The following LHX2 variants were observed in gnomAD, a reference collection of about 807,000 sequenced individuals.
LHX2 encodes LIM/homeobox protein Lhx2.
LHX2 carries 6 observed loss-of-function variants against 33.0 expected under a neutral mutation model. The observed-to-expected ratio is 0.18, with a 90% confidence interval of 0.10 to 0.36. LHX2 has a LOEUF of 0.36. Ranked by LOEUF, LHX2 falls within the 10% of genes least tolerant of loss-of-function variation. LHX2 has a pLI of 1.00. For synonymous variants in LHX2, 292 were observed against 253.1 expected (o/e 1.15, Z -1.46); for missense variants, 442 against 586.2 (o/e 0.75, Z 2.54).
At position 124,028,442 on chromosome 9, in the gene LHX2, C is replaced by T. The variant is rs137903510; in HGVS notation, c.934-3978C>T. Among the ~76,000 whole-genome samples the T allele has an allele frequency of 2.1e-4, 32 of 152,264 alleles. No individual in the cohort carries two copies. The South Asian group carries it at 2.9e-3, about 14-fold the overall frequency. On this transcript the variant is annotated intron_variant, in intron 4 of 4. Coordinates refer to ENST00000373615, the MANE Select transcript of LHX2 (RefSeq NM_004789.4). Reference sequence around the variant, plus strand: ...AGATGGGTGGGTGGGGCAGACTGCACCTTGTTGCTTGCAGCTGCCTAAGAA... The same window carrying T: ...AGATGGGTGGGTGGGGCAGACTGCATCTTGTTGCTTGCAGCTGCCTAAGAA...
At chr9:124,019,033 C>T (rs1859246710) in intron 3 of LHX2, among the ~76,000 whole-genome samples, 1 of 152,198 alleles carries the variant, frequency 6.6e-6, no homozygotes, top group Non-Finnish European at 1.5e-5. Context: ...CTGCCCCACC[C>T]CCAGTGGAGC....
intron 4 of LHX2, among the ~76,000 whole-genome samples, chr9:124,027,606 C>T (rs1828645698): frequency 6.6e-6 from 1 of 152,046 alleles, no homozygotes; most frequent in Non-Finnish European, 1.5e-5. Flanking sequence ...ATCACAAGGT[C>T]AGGAGGTGGA....
Position 124,021,169 on chromosome 9 carries a change from C to T in LHX2, c.798C>T (p.Thr266=), listed in dbSNP as rs770393525. The change falls in exon 4 of 5, where the codon ACC becomes ACT. Residue 266 remains threonine (T), a synonymous_variant. Transcript: ENST00000373615. ...AGCCATACCCGAGCAGCCAGAAGAC[C>T]AAGCGCATGCGCACGTCCTTCAAGC... ...RDQPYPSSQK[T]KRMRTSFKHH... 1 of 1,614,232 alleles carries T rather than the reference C, an allele frequency of 6.2e-7. No individual in the cohort carries two copies. Among genetic ancestry groups the T allele is most frequent in the Admixed American group, 1.7e-5 (1 of 60,032 alleles).
At position 124,015,110 on chromosome 9, in the gene LHX2, TG is replaced by T; in HGVS notation, c.324-10del. The T allele has an allele frequency of 6.2e-7, 1 of 1,610,822 alleles. No individual in the cohort carries two copies. Among genetic ancestry groups the T allele is most frequent in the South Asian group, 1.1e-5 (1 of 91,072 alleles). ...TGTGTTCCCACAGCCCCTCCCTCCA[TG>T]GTCCCTACAGGCGCTTCTCTGTGCA... On this transcript the variant is annotated splice_polypyrimidine_tract_variant and intron_variant, in intron 2 of 4. Transcript: ENST00000373615. This position sits in a 1 kb window ranked among gnomAD's most constrained non-coding sequence, Gnocchi z 7.9.
chr9:124,024,278 G>A (rs1428346056), intron 4 of LHX2, among the ~76,000 whole-genome samples: 1 of 152,210 alleles, frequency 6.6e-6, no homozygotes, highest in Non-Finnish European at 1.5e-5. Flanking sequence ...CTTACCTTAA[G>A]ATTTTTCTGC....
intron 4 of LHX2, among the ~76,000 whole-genome samples, chr9:124,025,587 G>A (rs1828607718): frequency 6.6e-6 from 1 of 152,148 alleles, no homozygotes; most frequent in Admixed American, 6.5e-5. Context: ...TAAGCTTGGG[G>A]AAGTGAGTGA....
At chr9:124,020,995 C>A in intron 3 of LHX2, 104 bp from the exon 4 acceptor site, 2 of 977,332 alleles carry the variant, frequency 2.0e-6, no homozygotes, top group Non-Finnish European at 3.1e-6. Context: ...AGACATGCAG[C>A]AGGGTTAAGG....
At position 124,015,098 on chromosome 9, in the gene LHX2, C is replaced by A; in HGVS notation, c.324-24C>A. The A allele has an allele frequency of 6.2e-7, 1 of 1,607,422 alleles. No individual in the cohort carries two copies. Among genetic ancestry groups the A allele is most frequent in the Non-Finnish European group, 8.5e-7 (1 of 1,179,014 alleles). ...GGTACCCAACCGTGTGTTCCCACAG[C>A]CCCTCCCTCCATGGTCCCTACAGGC... is the stretch of plus-strand genomic sequence containing the variant. On this transcript the variant is annotated intron_variant, in intron 2 of 4. Transcript: ENST00000373615. This position sits in a 1 kb window ranked among gnomAD's most constrained non-coding sequence, Gnocchi z 7.9.
chr9:124,032,515 A>G lies in LHX2; in HGVS notation c.1029A>G (p.Thr343=). The G allele has an allele frequency of 1.2e-6, 2 of 1,613,770 alleles. No homozygotes were observed. Among genetic ancestry groups the G allele is most frequent in the Non-Finnish European group, 1.7e-6 (2 of 1,180,006 alleles). Residue 343 remains threonine (T), a synonymous_variant, in exon 5 of 5, where the codon ACA becomes ACG. Coordinates refer to ENST00000373615, the MANE Select transcript of LHX2 (RefSeq NM_004789.4). The surrounding 1 kb of genome is among the most constrained non-coding windows in gnomAD (Gnocchi z 4.1). ...VDKSTDAALQ[T]GTPSGPASEL... Reference sequence around the variant, plus strand: ...AGTCGACAGACGCGGCGCTGCAGACAGGGACGCCATCGGGCCCGGCCTCGG... The same window carrying G: ...AGTCGACAGACGCGGCGCTGCAGACGGGGACGCCATCGGGCCCGGCCTCGG...
intron 3 of LHX2, 32 bp from the exon 4 acceptor site, chr9:124,021,067 G>A (rs748137172): frequency 6.2e-7 from 1 of 1,607,186 alleles, no homozygotes; most frequent in Admixed American, 1.7e-5. Flanking sequence ...GGGTCAGGAA[G>A]TTCACCCACC....
chr9:124,028,854 T>C (rs906433700), intron 4 of LHX2, among the ~76,000 whole-genome samples: 8 of 152,130 alleles, frequency 5.3e-5, no homozygotes, highest in African/African-American at 1.9e-4. Flanking sequence ...ATGCCTATAA[T>C]CCCAGAACTT....
At chr9:124,024,625 C>T (rs1187570902) in intron 4 of LHX2, among the ~76,000 whole-genome samples, 1 of 152,200 alleles carries the variant, frequency 6.6e-6, no homozygotes, top group African/African-American at 2.4e-5. Flanking sequence ...GTATAATTTA[C>T]AGAGTGTAGA....
intron 4 of LHX2, among the ~76,000 whole-genome samples, chr9:124,028,386 A>G (rs1828659720): frequency 6.6e-6 from 1 of 152,184 alleles, no homozygotes; most frequent in Admixed American, 6.5e-5. Flanking sequence ...AACTTGAGGC[A>G]TGTGAAAAGA....
At position 124,032,626 on chromosome 9, in the gene LHX2, C is replaced by A. The variant is rs566616939; in HGVS notation, c.1140C>A (p.Ser380=). 2.5e-6 allele frequency: 4 copies of A among 1,614,106 alleles called. No individual in the cohort carries two copies. The East Asian group carries it at 6.7e-5, about 27-fold the overall frequency. Residue 380 remains serine (S), a synonymous_variant, in exon 5 of 5, where the codon TCC becomes TCA. Coordinates refer to ENST00000373615, the MANE Select transcript of LHX2 (RefSeq NM_004789.4). This position sits in a 1 kb window ranked among gnomAD's most constrained non-coding sequence, Gnocchi z 4.1. ...GCCCCACCCTGCCAACTGTGACGTC[C>A]GTCTTAACTTCTGTGCCTGGCAACC... ...LTSPTLPTVT[S]VLTSVPGNLE...
rs752482661 is a variant in LHX2 at position 124,015,071 on chromosome 9, G to C, written c.324-51G>C. ...CAGCGGCACCTGGAGGAGGAAAAGG[G>C]GGGTACCCAACCGTGTGTTCCCACA... is the stretch of plus-strand genomic sequence containing the variant. On this transcript the variant is annotated intron_variant, in intron 2 of 4. Transcript: ENST00000373615. This position sits in a 1 kb window ranked among gnomAD's most constrained non-coding sequence, Gnocchi z 7.9. 3.1e-6 allele frequency: 5 copies of C among 1,592,404 alleles called. No individual in the cohort carries two copies. The Admixed American group carries it at 5.1e-5, about 16-fold the overall frequency.
chr9:124,015,330 C>A lies in LHX2; in HGVS notation c.532C>A (p.Pro178Thr). The change falls in exon 3 of 5, where the codon CCC (proline) becomes ACC (threonine). Residue 178 changes from proline (P) to threonine (T), a missense_variant. Around this residue, in one of 5 missense-constraint regions of LHX2, gnomAD observed 132 missense variants for 139.1 expected, o/e 0.95. Coordinates refer to ENST00000373615, the MANE Select transcript of LHX2 (RefSeq NM_004789.4). The surrounding 1 kb of genome is among the most constrained non-coding windows in gnomAD (Gnocchi z 7.9). The stretch of plus-strand genomic sequence containing the variant: ...CGAGGCGCTGCTGCAGGGCGAGTAC[C>A]CCGCACACTTCAACCATGCCGACGT... Reference protein sequence around the residue: ...HFEALLQGEYPAHFNHADVAA... With the variant: ...HFEALLQGEYTAHFNHADVAA... 6.2e-7 allele frequency: 1 copy of A among 1,613,778 alleles called. No homozygotes were observed. The highest frequency in any genetic ancestry group is 1.1e-5 in the South Asian group (1 of 91,092).
intron 4 of LHX2, among the ~76,000 whole-genome samples, chr9:124,030,627 C>CT (rs35399092): frequency 0.061 from 6,451 of 105,324 alleles, 313 homozygotes; most frequent in African/African-American, 0.11. Flanking sequence ...TTTTTCTTTT[C>CT]TTTTTTTTTT....
chr9:124,015,378 G>A lies in LHX2; in HGVS notation c.580G>A (p.Ala194Thr), dbSNP rs775673483. The A allele has an allele frequency of 1.2e-6, 2 of 1,609,974 alleles. No homozygotes were observed. The highest frequency in any genetic ancestry group is 1.7e-6 in the Non-Finnish European group (2 of 1,178,016). The change falls in exon 3 of 5, where the codon GCG becomes ACG. Residue 194 changes from alanine (A) to threonine (T), a missense_variant. Physicochemically the swap from Ala to Thr is moderately conservative, Grantham distance 58 (BLOSUM62 0). This residue lies in a region of LHX2 where 132 missense variants were observed against 139.1 expected (regional missense o/e 0.95). Coordinates refer to ENST00000373615, the MANE Select transcript of LHX2 (RefSeq NM_004789.4). The surrounding 1 kb of genome is among the most constrained non-coding windows in gnomAD (Gnocchi z 7.9). ...CGTGGCAGCGGCGGCCGCTGCAGCC[G>A]CGGCGGCCAAGAGCGCGGGGCTGGG... ...ADVAAAAAAA[A>T]AAKSAGLGAA... is the part of the protein sequence containing the mutation.
intron 4 of LHX2, among the ~76,000 whole-genome samples, chr9:124,028,961 T>A (rs1039686258): frequency 6.6e-6 from 1 of 151,970 alleles, no homozygotes; most frequent in Non-Finnish European, 1.5e-5. Context: ...TACAAAAAAA[T>A]TAGCCAGGCA....
Sources: allele counts gnomAD v4.1 joint callset (sites outside exome capture counted in the v4.1 genomes callset), GRCh38; gene constraint gnomAD v4.1.1; regional missense constraint gnomAD v4.1.1; non-coding constraint Gnocchi (gnomAD v3.1); transcripts MANE v1.5; gene names NCBI Gene and HGNC (gene_info 2026-07-23, HGNC 2026-07-21).